Variants in ADAM28 observed in about 807,000 individuals in gnomAD.
ADAM28 encodes ADAM metallopeptidase domain 28.
A neutral mutation model predicts 101.2 loss-of-function variants in ADAM28; 105 were observed. The observed-to-expected ratio is 1.04, with a 90% CI of 0.89 to 1.22. The LOEUF is 1.22. Among genes scored for constraint, ADAM28 ranks in the 50% most tolerant of loss-of-function variants. The pLI, the probability that ADAM28 is intolerant of heterozygous loss-of-function variation, is 0.00. For synonymous variants in ADAM28, 322 were observed against 310.6 expected (o/e 1.04, Z -0.39); for missense variants, 1,028 against 945.4 (o/e 1.09, Z -1.15).
At chr8:24,350,931 T>C (rs1413365804) in intron 19 of ADAM28, among the ~76,000 whole-genome samples, 1 of 151,950 alleles carries the variant, frequency 6.6e-6, no homozygotes, top group Non-Finnish European at 1.5e-5. Context: ...TGATGAGTTT[T>C]TTAATATTGA....
At chr8:24,316,061 CATTT>C (rs1008297441) in intron 6 of ADAM28, among the ~76,000 whole-genome samples, 96 of 122,492 alleles carry the variant, frequency 7.8e-4, no homozygotes, top group Middle Eastern at 3.7e-3. Flanking sequence ...TCATAAAGGC[CATTT>C]ATTTATTTAT....
In ADAM28 at chr8:24,335,476, GC is replaced by G; in HGVS notation, c.1403del (p.Ala468GlufsTer38). Reference protein sequence around the residue: ...FKKAGMVCRPAKDECDLPEMC... With the variant: ...FKKAGMVCRPXKDECDLPEMC... ...AAAGGCTGGGATGGTGTGCAGACCA[GC>G]AAAAGATGAGTGCGACCTGCCTGAA... On this transcript the variant is annotated frameshift_variant, in exon 14 of 23. Transcript: ENST00000265769. LOFTEE classifies it high-confidence loss of function. The G allele has an allele frequency of 1.2e-6, 2 of 1,613,700 alleles. No homozygotes were observed.
chr8:24,350,876 T>G (rs201937085), intron 19 of ADAM28, among the ~76,000 whole-genome samples: 46 of 59,714 alleles, frequency 7.7e-4, no homozygotes, highest in South Asian at 1.5e-3. Flanking sequence ...TTTTTTTTTT[T>G]TTTTTTTTTT....
chr8:24,352,998 G>A (rs1346454246), intron 21 of ADAM28, among the ~76,000 whole-genome samples: 5 of 151,994 alleles, frequency 3.3e-5, no homozygotes, highest in Non-Finnish European at 7.4e-5. Context: ...CACATCCATC[G>A]GTTATCAGGA....
At chr8:24,299,569 T>G (rs368608671) in intron 1 of ADAM28, among the ~76,000 whole-genome samples, 1 of 152,220 alleles carries the variant, frequency 6.6e-6, no homozygotes, top group Non-Finnish European at 1.5e-5. Flanking sequence ...TGGTTTCCAG[T>G]GCTTCAACCC....
chr8:24,304,971 T>C (rs996697710), intron 2 of ADAM28, among the ~76,000 whole-genome samples: 5 of 151,998 alleles, frequency 3.3e-5, no homozygotes, highest in Non-Finnish European at 7.4e-5. Context: ...GCCCATCATA[T>C]TCCAGTTCTT....
At position 24,321,285 on chromosome 8, in the gene ADAM28, A is replaced by G. The variant is rs769499224; in HGVS notation, c.716A>G (p.Asn239Ser). The G allele has an allele frequency of 6.3e-7, 1 of 1,599,686 alleles. No individual in the cohort carries two copies. ...KRVFEMANYVNMLYKKLNTHV... is the reference protein window; with the variant it reads ...KRVFEMANYVSMLYKKLNTHV... ...GTATTTGAGATGGCTAATTATGTCAACATGGTAAGACATATTTTATTACCT... is the reference window on the plus strand; with the variant it reads ...GTATTTGAGATGGCTAATTATGTCAGCATGGTAAGACATATTTTATTACCT... Residue 239 changes from asparagine (N) to serine (S), a missense_variant, in exon 8 of 23, where the codon AAC becomes AGC. Physicochemically the swap from Asn to Ser is conservative, Grantham distance 46. Coordinates refer to ENST00000265769, the MANE Select transcript of ADAM28 (RefSeq NM_014265.6).
At chr8:24,305,451 C>CT (rs10654023) in intron 2 of ADAM28, among the ~76,000 whole-genome samples, 6,202 of 65,542 alleles carry the variant, frequency 0.095, 524 homozygotes, top group African/African-American at 0.15. Flanking sequence ...TAAGAGGTTT[C>CT]TTTTTTTTTT....
Position 24,329,990 on chromosome 8 carries a change from C to G in ADAM28, c.978C>G (p.His326Gln). Reference sequence around the variant, plus strand: ...TTCTTCTTTCATACCTTTAGGACCACAGCGATAATCTTCTTAGAGTTGCAG... The same window carrying G: ...TTCTTCTTTCATACCTTTAGGACCAGAGCGATAATCTTCTTAGAGTTGCAG... ...SPYSVGVVQD[H>Q]SDNLLRVAGT... is the part of the protein sequence containing the mutation. Residue 326 changes from histidine to glutamine, a missense_variant, in exon 11 of 23, where the codon CAC becomes CAG. His to Gln is a conservative substitution (Grantham distance 24). Coordinates refer to ENST00000265769, the MANE Select transcript of ADAM28 (RefSeq NM_014265.6). The G allele has an allele frequency of 6.2e-7, 1 of 1,612,456 alleles. No individual in the cohort carries two copies. Among genetic ancestry groups the G allele is most frequent in the Non-Finnish European group, 8.5e-7 (1 of 1,179,106 alleles).
intron 5 of ADAM28, 55 bp from the exon 6 acceptor site, chr8:24,313,333 A>G: frequency 3.3e-6 from 5 of 1,504,234 alleles, no homozygotes; most frequent in Non-Finnish European, 4.5e-6. Flanking sequence ...ATAAATCTGT[A>G]TGAACCTAAT....
intron 13 of ADAM28, among the ~76,000 whole-genome samples, chr8:24,334,257 A>G (rs1047711615): frequency 1.7e-4 from 26 of 152,178 alleles, no homozygotes; most frequent in African/African-American, 6.3e-4. Flanking sequence ...GTACAGTCTC[A>G]CTTGATTTTC....
chr8:24,327,665 C>T (rs1008429908), intron 10 of ADAM28, among the ~76,000 whole-genome samples: 3 of 152,120 alleles, frequency 2.0e-5, no homozygotes, highest in Non-Finnish European at 4.4e-5. Context: ...AGCAAAACAG[C>T]AGGGTACTGG....
rs1563338586 is a variant in ADAM28 at position 24,356,206 on chromosome 8, C to A, written c.*1802C>A. The A allele has an allele frequency of 6.6e-6, 1 of 152,118 alleles. No individual in the cohort carries two copies. Among genetic ancestry groups the A allele is most frequent in the East Asian group, 1.9e-4 (1 of 5,194 alleles). The allele number at this position is 152,118 out of a possible 1,614,324, so 9.4% of individuals were successfully genotyped here. A position where few individuals can be genotyped will look rare whatever the true frequency, so the allele number is the denominator to read the frequency against. On this transcript the variant is annotated 3_prime_UTR_variant, in exon 23 of 23. Coordinates refer to ENST00000265769, the MANE Select transcript of ADAM28 (RefSeq NM_014265.6). ...AGGTTTCAGAAGACCCTCCCCTGAC[C>A]CAGAAATAAATCCCTATTTCCTGGA...
chr8:24,312,728 A>T (rs997240085), intron 5 of ADAM28, among the ~76,000 whole-genome samples: 1 of 151,916 alleles, frequency 6.6e-6, no homozygotes, highest in African/African-American at 2.4e-5. Flanking sequence ...AAGAAAAGAG[A>T]CCATGTCTTT....
At chr8:24,333,082 G>A (rs896620905) in intron 13 of ADAM28, among the ~76,000 whole-genome samples, 2 of 152,166 alleles carry the variant, frequency 1.3e-5, no homozygotes, top group African/African-American at 4.8e-5. Flanking sequence ...GACAAACACT[G>A]CATACTGATC....
At chr8:24,351,075 C>T (rs562607774) in intron 19 of ADAM28, among the ~76,000 whole-genome samples, 157 bp from the exon 20 acceptor site, 6 of 151,858 alleles carry the variant, frequency 4.0e-5, no homozygotes, top group Non-Finnish European at 7.4e-5. Context: ...AAGAGGCTGA[C>T]GGGGAAGTAA....
rs754006245 is a variant in ADAM28, at chr8:24,321,360, G to A, written c.720+71G>A. Reference sequence around the variant, plus strand: ...GATGTCACTGGGTTTTTCAATGAACGCACATGAAGCATGGAAGCAAAGTCA... The same window carrying A: ...GATGTCACTGGGTTTTTCAATGAACACACATGAAGCATGGAAGCAAAGTCA... On this transcript the variant is annotated intron_variant, in intron 8 of 22. Transcript: ENST00000265769. 3.6e-5 allele frequency: 44 copies of A among 1,239,136 alleles called. No homozygotes were observed. The African/African-American group carries it at 3.7e-4, about 10-fold the overall frequency. The allele number at this position is 1,239,136 out of a possible 1,614,324, so 76.8% of individuals were successfully genotyped here. A position where few individuals can be genotyped will look rare whatever the true frequency, so the allele number is the denominator to read the frequency against.
rs760932433 is a variant in ADAM28 at position 24,321,260 on chromosome 8, G to A, written c.691G>A (p.Val231Ile). The A allele has an allele frequency of 2.5e-6, 4 of 1,607,720 alleles. No individual in the cohort carries two copies. The African/African-American group carries it at 5.4e-5, about 22-fold the overall frequency. The change falls in exon 8 of 23, where the codon GTA (valine) becomes ATA (isoleucine). Residue 231 changes from valine (V) to isoleucine (I), a missense_variant. Coordinates refer to ENST00000265769, the MANE Select transcript of ADAM28 (RefSeq NM_014265.6). ...GAATCAAGATGAGATCAGAAAGAGG[G>A]TATTTGAGATGGCTAATTATGTCAA... ...NENQDEIRKRVFEMANYVNML... is the reference protein window; with the variant it reads ...NENQDEIRKRIFEMANYVNML...
rs772450836 is a variant in ADAM28, at chr8:24,349,914, G to T, written c.2041G>T (p.Val681Leu). Residue 681 changes from valine (V) to leucine (L), a missense_variant, in exon 19 of 23, where the codon GTG becomes TTG. By Grantham distance (32) the Val-to-Leu change is conservative. Transcript: ENST00000265769. The stretch of plus-strand genomic sequence containing the variant: ...GTTCCCAATGGCGGTCATTTTTGTG[G>T]TGGTTGCTATGGTAATCCGGCACCA... ...VLFPMAVIFVVVAMVIRHQSS... is the reference protein window; with the variant it reads ...VLFPMAVIFVLVAMVIRHQSS... The T allele has an allele frequency of 1.2e-6, 2 of 1,613,722 alleles. No individual in the cohort carries two copies. Among genetic ancestry groups the T allele is most frequent in the South Asian group, 2.2e-5 (2 of 91,080 alleles).
Sources: allele counts gnomAD v4.1 joint callset (sites outside exome capture counted in the v4.1 genomes callset), GRCh38; gene constraint gnomAD v4.1.1; transcripts MANE v1.5; gene names NCBI Gene and HGNC (gene_info 2026-07-23, HGNC 2026-07-21).